Variants in HEG1 observed in about 807,000 individuals in gnomAD.
HEG1 encodes the protein heart development protein with EGF like domains 1.
HEG1 carries 56 observed loss-of-function variants against 125.6 expected under a neutral mutation model. That is an observed-to-expected ratio of 0.45 (90% CI 0.36 to 0.56). The LOEUF (loss-of-function observed/expected upper bound fraction) is 0.56. HEG1 is among the 20% of genes least tolerant of loss of function. HEG1 has a pLI of 0.00. For synonymous variants in HEG1, 644 were observed against 668.5 expected (o/e 0.96, Z 0.57); for missense variants, 1,523 against 1,670.0 (o/e 0.91, Z 1.53).
chr3:124,993,876 C>G (rs1222166182), intron 12 of HEG1, among the ~76,000 whole-genome samples: 3 of 152,120 alleles, frequency 2.0e-5, no homozygotes, highest in Non-Finnish European at 4.4e-5. Context: ...TCCCTGATGT[C>G]ATGATATTTC....
chr3:124,996,818 A>C (rs906633583), intron 12 of HEG1, among the ~76,000 whole-genome samples: 2 of 152,230 alleles, frequency 1.3e-5, no homozygotes, highest in African/African-American at 2.4e-5. Context: ...GTGTTGACTG[A>C]GTAGGAAAAC....
chr3:125,004,062 G>A (rs1937036981), intron 9 of HEG1, among the ~76,000 whole-genome samples: 1 of 152,142 alleles, frequency 6.6e-6, no homozygotes, highest in Non-Finnish European at 1.5e-5. Context: ...GTGGACTCAG[G>A]CAATGTCATT....
Position 124,966,263 on chromosome 3 carries a change from G to A in HEG1, c.*4389C>T, listed in dbSNP as rs554576751. The A allele has an allele frequency of 1.2e-4, 18 of 152,216 alleles. No individual in the cohort carries two copies. The highest frequency in any genetic ancestry group is 1.2e-3 in the Admixed American group (18 of 15,294). The allele number at this position is 152,216 out of a possible 1,614,324, so 9.4% of individuals were successfully genotyped here. On this transcript the variant is annotated 3_prime_UTR_variant, in exon 17 of 17. Coordinates refer to ENST00000311127, the MANE Select transcript of HEG1 (RefSeq NM_020733.2). Reference sequence around the variant, plus strand: ...ATGCCCAGGTGACAGACCCAGTCTCGGACCTGTCGCTTTTTAGACCTGAAT... The same window carrying A: ...ATGCCCAGGTGACAGACCCAGTCTCAGACCTGTCGCTTTTTAGACCTGAAT...
At chr3:124,995,152 A>AC (rs959643071) in intron 12 of HEG1, among the ~76,000 whole-genome samples, 5 of 152,180 alleles carry the variant, frequency 3.3e-5, no homozygotes, top group African/African-American at 1.2e-4. Context: ...TACAAAAATT[A>AC]GCTGGACATA....
At chr3:125,027,101 T>C (rs1394415924) in intron 3 of HEG1, 104 bp downstream of exon 3, 2 of 1,122,308 alleles carry the variant, frequency 1.8e-6, no homozygotes, top group African/African-American at 3.1e-5. Flanking sequence ...TGATGTCTTT[T>C]CCCCTTACCC....
intron 3 of HEG1, among the ~76,000 whole-genome samples, chr3:125,025,627 C>T (rs1466805346): frequency 6.6e-6 from 1 of 152,048 alleles, no homozygotes; most frequent in African/African-American, 2.4e-5. Context: ...GAAACATAGG[C>T]TGATTTTTCA....
intron 3 of HEG1, among the ~76,000 whole-genome samples, chr3:125,024,530 A>C (rs1163889461): frequency 5.3e-5 from 8 of 152,246 alleles, no homozygotes; most frequent in Non-Finnish European, 2.9e-5. Context: ...AAAATATGGA[A>C]CACATAGAAG....
chr3:125,004,345 G>A (rs1259134198), intron 9 of HEG1, among the ~76,000 whole-genome samples: 2 of 152,148 alleles, frequency 1.3e-5, no homozygotes, highest in Non-Finnish European at 2.9e-5. Context: ...TCAATTTTCT[G>A]AACCTAGAGT....
chr3:124,986,764 A>C (rs1936746035), intron 14 of HEG1, among the ~76,000 whole-genome samples: 1 of 152,236 alleles, frequency 6.6e-6, no homozygotes, highest in Non-Finnish European at 1.5e-5. Flanking sequence ...AGGAAGTCTG[A>C]GGAATCAGAG....
intron 12 of HEG1, among the ~76,000 whole-genome samples, chr3:124,994,696 G>A (rs1008121485): frequency 6.6e-6 from 1 of 152,126 alleles, no homozygotes; most frequent in Non-Finnish European, 1.5e-5. Context: ...AGTACAGACA[G>A]GGTTTCACCA....
At chr3:125,025,906 GGAA>G (rs1348443467) in intron 3 of HEG1, among the ~76,000 whole-genome samples, 1 of 152,192 alleles carries the variant, frequency 6.6e-6, no homozygotes, top group Non-Finnish European at 1.5e-5. Flanking sequence ...CAGGGTATGT[GGAA>G]GAAGAATTGG....
intron 8 of HEG1, among the ~76,000 whole-genome samples, chr3:125,008,598 C>T (rs532761416): frequency 4.6e-5 from 7 of 152,116 alleles, no homozygotes; most frequent in Admixed American, 1.3e-4. Context: ...GTCAGGAGTT[C>T]GAGAGCATGG....
chr3:125,014,807 C>T (rs929726143), intron 5 of HEG1: 1 of 1,289,766 alleles, frequency 7.8e-7, no homozygotes, highest in African/African-American at 1.5e-5. Context: ...TTTCTTGGTG[C>T]ATGGCCGCTG....
chr3:125,055,568 C>A lies in HEG1; in HGVS notation c.316+7G>T. The A allele has an allele frequency of 8.3e-7, 1 of 1,204,648 alleles. No individual in the cohort carries two copies. Among genetic ancestry groups the A allele is most frequent in the South Asian group, 4.2e-5 (1 of 24,026 alleles). The allele number at this position is 1,204,648 out of a possible 1,614,324, so 74.6% of individuals were successfully genotyped here. On this transcript the variant is annotated splice_region_variant and intron_variant, in intron 1 of 16. Coordinates refer to ENST00000311127, the MANE Select transcript of HEG1 (RefSeq NM_020733.2). ...GGCCAGGCGCCAGGTTCCCGGCTCT[C>A]ACTCACCCGCGCTCCCGCCTCTGGG...
At chr3:125,002,434 C>T (rs1024524070) in intron 9 of HEG1, 119 bp from the exon 10 acceptor site, 14 of 810,874 alleles carry the variant, frequency 1.7e-5, no homozygotes, top group African/African-American at 3.4e-5. Flanking sequence ...TATCAGCACG[C>T]GGCTTTGCAC....
intron 8 of HEG1, among the ~76,000 whole-genome samples, chr3:125,007,490 T>A (rs1402306559): frequency 6.6e-6 from 1 of 152,236 alleles, no homozygotes; most frequent in Non-Finnish European, 1.5e-5. Context: ...GAAAGAGCCA[T>A]AATTATTACT....
At chr3:125,047,626 C>G (rs1450617173) in intron 1 of HEG1, among the ~76,000 whole-genome samples, 1 of 152,196 alleles carries the variant, frequency 6.6e-6, no homozygotes, top group Non-Finnish European at 1.5e-5. Flanking sequence ...AATAAAGGTC[C>G]TAGTGGCCAG....
At chr3:125,021,515 G>A (rs1937335787) in intron 3 of HEG1, among the ~76,000 whole-genome samples, 1 of 152,218 alleles carries the variant, frequency 6.6e-6, no homozygotes, top group Non-Finnish European at 1.5e-5. Flanking sequence ...TTTTAGCAAT[G>A]TAACCTTTTT....
At chr3:124,981,808 G>A (rs1936658961) in intron 14 of HEG1, among the ~76,000 whole-genome samples, 1 of 152,008 alleles carries the variant, frequency 6.6e-6, no homozygotes, top group Non-Finnish European at 1.5e-5. Flanking sequence ...TTTCTTCTTT[G>A]TGCTTTTCTG....
Sources: gnomAD v4.1 joint callset for allele counts (sites outside exome capture counted in the v4.1 genomes callset) on GRCh38, gnomAD v4.1.1 for gene constraint, MANE v1.5 for transcripts, NCBI Gene and HGNC (gene_info 2026-07-23, HGNC 2026-07-21) for gene names.